Variants in MCTP1 observed in about 807,000 individuals in gnomAD.
MCTP1 encodes the protein multiple C2 and transmembrane domain containing 1, also known as multiple C2 and transmembrane domain-containing protein 1.
Under a neutral mutation model 120.6 loss-of-function variants are expected in MCTP1, and 69 were observed. The observed-to-expected ratio is 0.57, with a 90% CI of 0.47 to 0.70. The LOEUF (loss-of-function observed/expected upper bound fraction) is 0.70, where lower values mean the gene tolerates loss of function less well. Among genes scored for constraint, MCTP1 ranks in the 30% least tolerant of loss-of-function variants. The pLI, the probability that MCTP1 is intolerant of heterozygous loss-of-function variation, is 0.00. For synonymous variants in MCTP1, 529 were observed against 493.1 expected, an observed-to-expected ratio of 1.07 and a Z score of -0.96; for missense variants, 1,203 against 1,248.8, an observed-to-expected ratio of 0.96 and a Z score of 0.55.
rs773141262 is a variant in MCTP1, at chr5:95,076,609, T to C, written c.721-59125A>G. Among the ~76,000 whole-genome samples, 3 of 152,306 alleles carry C rather than the reference T, an allele frequency of 2.0e-5. No homozygotes were observed. In the South Asian group the frequency reaches 6.2e-4, roughly 32 times the overall value. On this transcript the variant is annotated intron_variant, in intron 1 of 22. Transcript: ENST00000515393. Reference sequence around the variant, plus strand: ...AGTGGGCCAGGGTAATGCTGTCCACTGATTGCTGACTTAGAACACGCTATT... The same window carrying C: ...AGTGGGCCAGGGTAATGCTGTCCACCGATTGCTGACTTAGAACACGCTATT...
intron 2 of MCTP1, among the ~76,000 whole-genome samples, chr5:94,986,814 G>A (rs1306506461): frequency 1.3e-5 from 2 of 151,912 alleles, no homozygotes; most frequent in Non-Finnish European, 2.9e-5. Flanking sequence ...TCGGGCCTAG[G>A]TCCATTTGTG....
At chr5:95,261,660 T>G (rs562901425) in intron 1 of MCTP1, among the ~76,000 whole-genome samples, 2 of 152,374 alleles carry the variant, frequency 1.3e-5, no homozygotes, top group South Asian at 4.1e-4. Flanking sequence ...CTTCAAAATT[T>G]GTTGCCACTG....
intron 3 of MCTP1, among the ~76,000 whole-genome samples, chr5:94,946,170 C>G (rs1020965060): frequency 6.6e-6 from 1 of 152,156 alleles, no homozygotes; most frequent in Non-Finnish European, 1.5e-5. Context: ...AGTTCTCTAT[C>G]AGAGCTTCCT....
intron 1 of MCTP1, among the ~76,000 whole-genome samples, chr5:95,040,314 T>C (rs1173316391): frequency 6.6e-6 from 1 of 152,022 alleles, no homozygotes; most frequent in Non-Finnish European, 1.5e-5. Context: ...GGTTCACACT[T>C]GTAATTCCAG....
At chr5:94,901,986 G>C (rs928398455) in intron 10 of MCTP1, among the ~76,000 whole-genome samples, 5 of 152,170 alleles carry the variant, frequency 3.3e-5, no homozygotes, top group Non-Finnish European at 5.9e-5. Context: ...AGTATTTTGA[G>C]GGAGGCATAG....
intron 1 of MCTP1, among the ~76,000 whole-genome samples, chr5:95,216,490 T>C (rs1753046587): frequency 1.3e-5 from 2 of 150,106 alleles, no homozygotes; most frequent in Admixed American, 6.7e-5. Context: ...CTCTACACTG[T>C]GTTCTATCAG....
At chr5:94,885,884 A>G (rs953735673) in intron 12 of MCTP1, among the ~76,000 whole-genome samples, 6 of 152,172 alleles carry the variant, frequency 3.9e-5, no homozygotes, top group Admixed American at 3.3e-4. Flanking sequence ...AGCTGCCCAC[A>G]ATTTGACTGA....
At chr5:95,008,929 C>G (rs762487577) in intron 2 of MCTP1, among the ~76,000 whole-genome samples, 1 of 151,888 alleles carries the variant, frequency 6.6e-6, no homozygotes, top group East Asian at 1.9e-4. Flanking sequence ...ACTGGGAAGG[C>G]TTGGTGGGAG....
chr5:94,856,305 G>T (rs532591524), intron 17 of MCTP1, among the ~76,000 whole-genome samples: 18 of 151,578 alleles, frequency 1.2e-4, no homozygotes, highest in Non-Finnish European at 1.9e-4. Context: ...GTGTGGTTAC[G>T]ATATAATCAT....
At chr5:95,028,541 G>A (rs903636496) in intron 1 of MCTP1, among the ~76,000 whole-genome samples, 1 of 152,134 alleles carries the variant, frequency 6.6e-6, no homozygotes, top group Non-Finnish European at 1.5e-5. Context: ...TTACTCACCC[G>A]TGGATTGTCT....
At chr5:94,772,057 C>T (rs1774210102) in intron 19 of MCTP1, among the ~76,000 whole-genome samples, 1 of 152,160 alleles carries the variant, frequency 6.6e-6, no homozygotes, top group Non-Finnish European at 1.5e-5. Context: ...TTGTGTTTTA[C>T]TGATACCGTG....
chr5:94,909,720 G>A (rs1807941710), intron 9 of MCTP1, among the ~76,000 whole-genome samples: 1 of 151,986 alleles, frequency 6.6e-6, no homozygotes, highest in African/African-American at 2.4e-5. Context: ...CATAATCATA[G>A]TTAATGCATT....
chr5:95,184,859 A>G (rs1450901881), intron 1 of MCTP1, among the ~76,000 whole-genome samples: 3 of 152,122 alleles, frequency 2.0e-5, no homozygotes, highest in Non-Finnish European at 2.9e-5. Context: ...TCACCCAGGA[A>G]CAGAAGACAT....
chr5:94,976,470 A>C (rs1828131772), intron 2 of MCTP1, among the ~76,000 whole-genome samples: 1 of 152,042 alleles, frequency 6.6e-6, no homozygotes, highest in African/African-American at 2.4e-5. Flanking sequence ...TATATAAATA[A>C]ATAATAAAAG....
At chr5:94,777,927 C>CATGTGTGT (rs1554095231) in intron 19 of MCTP1, among the ~76,000 whole-genome samples, 2 of 148,850 alleles carry the variant, frequency 1.3e-5, no homozygotes, top group African/African-American at 5.0e-5. Flanking sequence ...AGAAAGTGTG[C>CATGTGTGT]GTGTGTGTGT....
chr5:95,112,147 G>T (rs1757505737), intron 1 of MCTP1, among the ~76,000 whole-genome samples: 1 of 152,124 alleles, frequency 6.6e-6, no homozygotes, highest in Non-Finnish European at 1.5e-5. Context: ...ATACAGAAGA[G>T]GATACCACTT....
intron 1 of MCTP1, among the ~76,000 whole-genome samples, chr5:95,132,527 G>C (rs138011490): frequency 1.5e-4 from 23 of 152,354 alleles, no homozygotes; most frequent in African/African-American, 5.3e-4. Flanking sequence ...AGAAATGAGT[G>C]TGCGGAAGGC....
intron 17 of MCTP1, among the ~76,000 whole-genome samples, chr5:94,812,316 CT>C (rs1783591097): frequency 6.6e-6 from 1 of 152,016 alleles, no homozygotes. Flanking sequence ...TATTCACAAG[CT>C]TCAGGAAGGT....
At chr5:94,962,121 A>G (rs761989839) in intron 2 of MCTP1, among the ~76,000 whole-genome samples, 1 of 142,392 alleles carries the variant, frequency 7.0e-6, no homozygotes, top group Admixed American at 7.1e-5. Context: ...GCAAATGGCT[A>G]TAATAATAAT....
Sources: allele counts gnomAD v4.1 joint callset (sites outside exome capture counted in the v4.1 genomes callset), GRCh38; gene constraint gnomAD v4.1.1; transcripts MANE v1.5; gene names NCBI Gene and HGNC (gene_info 2026-07-23, HGNC 2026-07-21).